The following IL1RAPL1 variants were observed in gnomAD, a reference collection of about 807,000 sequenced individuals.
The protein encoded by IL1RAPL1 is interleukin 1 receptor accessory protein like 1.
In IL1RAPL1, 3 loss-of-function variants were observed where a neutral mutation model predicts 48.4. That is an observed-to-expected ratio of 0.06 (90% CI 0.03 to 0.16). IL1RAPL1 has a LOEUF of 0.16. Ranked by LOEUF, IL1RAPL1 falls within the 10% of genes least tolerant of loss-of-function variation. The probability of loss-of-function intolerance (pLI) is 1.00; values close to 1 mark genes in which losing one functional copy is unlikely to be tolerated. For missense variants in IL1RAPL1, 349 were observed against 530.6 expected (o/e 0.66, Z 3.36); for synonymous variants, 185 against 187.7 (o/e 0.99, Z 0.12).
chrX:29,272,304 G>A (rs368116141), intron 2 of IL1RAPL1, among the ~76,000 whole-genome samples: 3 of 111,564 alleles, frequency 2.7e-5, no homozygotes, highest in Non-Finnish European at 5.6e-5. Context: ...GGTTACTGTA[G>A]CCTTGTAGTC....
At chrX:29,452,527 A>T (rs1002184923) in intron 5 of IL1RAPL1, among the ~76,000 whole-genome samples, 1 of 111,913 alleles carries the variant, frequency 8.9e-6, no homozygotes, top group Admixed American at 9.5e-5. Flanking sequence ...ATACCTAGCA[A>T]TACAGAAAAT....
intron 3 of IL1RAPL1, among the ~76,000 whole-genome samples, chrX:29,394,960 T>A (rs776348843): frequency 8.9e-6 from 1 of 112,348 alleles, no homozygotes; most frequent in African/African-American, 3.2e-5. Flanking sequence ...CACTGTGTCA[T>A]ATTAGCATTC....
intron 6 of IL1RAPL1, among the ~76,000 whole-genome samples, chrX:29,837,300 T>TATACACACAC (rs1300189172): frequency 3.6e-5 from 2 of 55,635 alleles, no homozygotes; most frequent in African/African-American, 1.6e-4. Context: ...TATATATATA[T>TATACACACAC]ACACACACAC....
At chrX:29,473,547 A>T (rs1445195213) in intron 5 of IL1RAPL1, among the ~76,000 whole-genome samples, 1 of 110,084 alleles carries the variant, frequency 9.1e-6, no homozygotes, top group Non-Finnish European at 1.9e-5. Flanking sequence ...TTTCTAAAAG[A>T]TATTTCTTCA....
chrX:29,487,712 G>T (rs746315820), intron 5 of IL1RAPL1, among the ~76,000 whole-genome samples: 1 of 112,176 alleles, frequency 8.9e-6, no homozygotes, highest in East Asian at 2.8e-4. Context: ...CCGATGTGAT[G>T]TTTGAAGGAG....
At chrX:29,380,015 G>A (rs903796754) in intron 3 of IL1RAPL1, among the ~76,000 whole-genome samples, 4 of 110,447 alleles carry the variant, frequency 3.6e-5, no homozygotes, top group African/African-American at 6.6e-5. Context: ...AAATATAAGC[G>A]GTATTTGTCT....
At chrX:29,262,028 A>G (rs1931870245) in intron 2 of IL1RAPL1, among the ~76,000 whole-genome samples, 1 of 111,509 alleles carries the variant, frequency 9.0e-6, no homozygotes. Context: ...TGCCTGACAC[A>G]TTGGGTTATA....
chrX:29,344,135 A>G (rs1225833437), intron 3 of IL1RAPL1, among the ~76,000 whole-genome samples: 2 of 112,357 alleles, frequency 1.8e-5, no homozygotes, highest in African/African-American at 6.5e-5. Context: ...TTCCAAATGC[A>G]AGTTGTAAAT....
rs1933403412 is a variant in IL1RAPL1, at chrX:29,955,606, G to A, written c.1877G>A (p.Arg626Gln). ...CAAATGCGTCAGAAACACTACTACC[G>A]AAGCTATGAGTACGACGTACCTCCT... is the stretch of plus-strand genomic sequence containing the variant. ...HSQMRQKHYYRSYEYDVPPTG... is the reference protein window; with the variant it reads ...HSQMRQKHYYQSYEYDVPPTG... Residue 626 changes from arginine to glutamine, a missense_variant, in exon 11 of 11, where the codon CGA (arginine) becomes CAA (glutamine). Around this residue, in one of 3 missense-constraint regions of IL1RAPL1, gnomAD observed 65 missense variants for 79.6 expected, o/e 0.82. Transcript: ENST00000378993. 3 of 1,207,161 alleles carry A rather than the reference G, an allele frequency of 2.5e-6. No individual in the cohort carries two copies. The highest frequency in any genetic ancestry group is 1.8e-5 in the South Asian group (1 of 56,470).
intron 3 of IL1RAPL1, among the ~76,000 whole-genome samples, chrX:29,346,055 A>C (rs1933145928): frequency 8.9e-6 from 1 of 112,004 alleles, no homozygotes; most frequent in Non-Finnish European, 1.9e-5. Context: ...GAAGCCCAAA[A>C]GGCTCCAATG....
chrX:29,263,050 A>G (rs2079243119), intron 2 of IL1RAPL1, among the ~76,000 whole-genome samples: 1 of 111,847 alleles, frequency 8.9e-6, no homozygotes, highest in African/African-American at 3.2e-5. Flanking sequence ...AGATGCTCGA[A>G]AGCATTAAGG....
chrX:29,781,197 A>G (rs1409721454), intron 6 of IL1RAPL1, among the ~76,000 whole-genome samples: 1 of 112,147 alleles, frequency 8.9e-6, no homozygotes, highest in Non-Finnish European at 1.9e-5. Flanking sequence ...AGGCATGGAA[A>G]CTATAATGTA....
At chrX:29,076,831 T>TCTAC (rs1450623598) in intron 2 of IL1RAPL1, among the ~76,000 whole-genome samples, 1 of 110,249 alleles carries the variant, frequency 9.1e-6, no homozygotes, top group African/African-American at 3.3e-5. Flanking sequence ...TATCTATCTA[T>TCTAC]CTAAACAATG....
chrX:28,867,460 T>C (rs967345449), intron 2 of IL1RAPL1, among the ~76,000 whole-genome samples: 3 of 111,852 alleles, frequency 2.7e-5, no homozygotes, highest in African/African-American at 9.8e-5. Flanking sequence ...CCTGGACTTT[T>C]CGCCTGCAGA....
Position 28,838,920 on chromosome X carries a change from G to A in IL1RAPL1, c.82+49495G>A, listed in dbSNP as rs906575259. ...ACTGAAATACGCACATTAATTTTGA[G>A]AGTAAATTTATAAAAATTTCAAATG... On this transcript the variant is annotated intron_variant, in intron 2 of 10. Coordinates refer to ENST00000378993, the MANE Select transcript of IL1RAPL1 (RefSeq NM_014271.4). Among the ~76,000 whole-genome samples the A allele has an allele frequency of 7.2e-5, 8 of 111,043 alleles. No homozygotes were observed. The Admixed American group carries it at 7.7e-4, about 11-fold the overall frequency.
At chrX:29,226,095 T>C (rs1016124020) in intron 2 of IL1RAPL1, among the ~76,000 whole-genome samples, 1 of 111,875 alleles carries the variant, frequency 8.9e-6, no homozygotes, top group African/African-American at 3.2e-5. Flanking sequence ...TATTGATGAT[T>C]CATGTTAACG....
In IL1RAPL1 at chrX:29,202,580, T is replaced by C. The variant is rs1467421063; in HGVS notation, c.83-80358T>C. Among the ~76,000 whole-genome samples the C allele has an allele frequency of 3.6e-5, 4 of 111,956 alleles. No homozygotes were observed. In the Admixed American group the frequency reaches 3.8e-4, roughly 11 times the overall value. On this transcript the variant is annotated intron_variant, in intron 2 of 10. Coordinates refer to ENST00000378993, the MANE Select transcript of IL1RAPL1 (RefSeq NM_014271.4). The stretch of plus-strand genomic sequence containing the variant: ...ATGCGTATGTTCACCACAGCATTAT[T>C]CATAATAGCAAAGTCATGGAATCAA...
At chrX:28,815,842 T>TAC (rs1936859621) in intron 2 of IL1RAPL1, among the ~76,000 whole-genome samples, 1 of 21,446 alleles carries the variant, frequency 4.7e-5, no homozygotes. Context: ...TGTTTATGTA[T>TAC]ATATATATAT....
intron 1 of IL1RAPL1, among the ~76,000 whole-genome samples, chrX:28,727,670 T>A (rs867244599): frequency 9.5e-6 from 1 of 105,425 alleles, no homozygotes; most frequent in Non-Finnish European, 1.9e-5. Flanking sequence ...TGGCTGTGGG[T>A]TTGTCATAGA....
Sources: gnomAD v4.1 joint callset for allele counts (sites outside exome capture counted in the v4.1 genomes callset) on GRCh38, gnomAD v4.1.1 for gene constraint, gnomAD v4.1.1 regional missense constraint, MANE v1.5 for transcripts, NCBI Gene and HGNC (gene_info 2026-07-23, HGNC 2026-07-21) for gene names.